FOXP2: variants seen among roughly 807,000 people sequenced by gnomAD.
FOXP2 encodes the protein forkhead box protein P2.
FOXP2 carries 12 observed loss-of-function variants against 115.8 expected under a neutral mutation model. The observed-to-expected ratio is 0.10, with a 90% confidence interval of 0.07 to 0.17. The LOEUF is 0.17. Ranked by LOEUF, FOXP2 falls within the 10% of genes least tolerant of loss-of-function variation. The pLI, the probability that FOXP2 is intolerant of heterozygous loss-of-function variation, is 1.00. For missense variants in FOXP2, 629 were observed against 843.5 expected, an observed-to-expected ratio of 0.75 and a Z score of 3.15; for synonymous variants, 328 against 297.7, an observed-to-expected ratio of 1.10 and a Z score of -1.05.
chr7:114,630,593 A>G (rs1804848412), intron 5 of FOXP2: 1 of 158,548 alleles, frequency 6.3e-6, no homozygotes, highest in African/African-American at 2.4e-5. Context: ...AACATGTTGA[A>G]GTAGTTAAAT....
At chr7:114,118,817 T>C (rs914008958) in intron 1 of FOXP2, among the ~76,000 whole-genome samples, 25 of 152,164 alleles carry the variant, frequency 1.6e-4, no homozygotes, top group Non-Finnish European at 8.8e-5. Flanking sequence ...TTGCACACAA[T>C]GCTAGGGGAA....
intron 3 of FOXP2, among the ~76,000 whole-genome samples, chr7:114,536,067 CAG>C (rs1218893418): frequency 6.6e-6 from 1 of 151,292 alleles, no homozygotes; most frequent in Non-Finnish European, 1.5e-5. Context: ...ATTTACATGA[CAG>C]AGAAAAATTT....
intron 2 of FOXP2, among the ~76,000 whole-genome samples, chr7:114,357,291 G>A (rs926574991): frequency 2.6e-5 from 4 of 152,292 alleles, no homozygotes; most frequent in African/African-American, 9.6e-5. Context: ...ATTACAGACT[G>A]CTGTCACCTA....
intron 1 of FOXP2, among the ~76,000 whole-genome samples, chr7:114,214,024 G>C (rs945510499): frequency 2.0e-5 from 3 of 152,146 alleles, no homozygotes; most frequent in African/African-American, 4.8e-5. Flanking sequence ...ATTTCTGTAG[G>C]ATACACTTAT....
intron 1 of FOXP2, among the ~76,000 whole-genome samples, chr7:114,164,962 C>G (rs949906131): frequency 5.5e-5 from 6 of 109,668 alleles, no homozygotes; most frequent in Admixed American, 4.4e-4. Context: ...CTCTACCCCC[C>G]AAAATTATAC....
chr7:114,611,554 T>C (rs193189864), intron 3 of FOXP2, among the ~76,000 whole-genome samples: 1 of 152,176 alleles, frequency 6.6e-6, no homozygotes, highest in Non-Finnish European at 1.5e-5. Flanking sequence ...GAAAAACAAC[T>C]ATAGAAGAAT....
At chr7:114,312,129 T>C (rs1006736495) in intron 2 of FOXP2, among the ~76,000 whole-genome samples, 3 of 152,174 alleles carry the variant, frequency 2.0e-5, no homozygotes, top group Admixed American at 6.5e-5. Flanking sequence ...ATGTATTCAG[T>C]TCACCCAAAT....
intron 3 of FOXP2, among the ~76,000 whole-genome samples, chr7:114,596,237 G>GT (rs773228111): frequency 2.0e-5 from 3 of 152,004 alleles, no homozygotes; most frequent in Non-Finnish European, 4.4e-5. Context: ...CCTTGGAGTG[G>GT]TTTTTCATTG....
At chr7:114,186,118 A>G (rs1003033408) in intron 1 of FOXP2, among the ~76,000 whole-genome samples, 1 of 152,136 alleles carries the variant, frequency 6.6e-6, no homozygotes, top group Admixed American at 6.5e-5. Context: ...ATGGCAACTG[A>G]ATTTTAGCAT....
intron 3 of FOXP2, among the ~76,000 whole-genome samples, chr7:114,546,974 A>G (rs1442857404): frequency 6.6e-6 from 1 of 152,232 alleles, no homozygotes; most frequent in Non-Finnish European, 1.5e-5. Context: ...ATAAGACTAC[A>G]GTATCACTTC....
chr7:114,379,544 C>A (rs1047219931), intron 2 of FOXP2, among the ~76,000 whole-genome samples: 1 of 152,018 alleles, frequency 6.6e-6, no homozygotes, highest in Admixed American at 6.6e-5. Context: ...GGGGTGCCTT[C>A]GACATCATTA....
chr7:114,586,040 T>G (rs1220850561), intron 3 of FOXP2, among the ~76,000 whole-genome samples: 5 of 152,218 alleles, frequency 3.3e-5, no homozygotes, highest in South Asian at 4.1e-4. Flanking sequence ...TAGACAAAAC[T>G]GTCTGCACAA....
At chr7:114,157,388 G>T (rs1409504664) in intron 1 of FOXP2, among the ~76,000 whole-genome samples, 1 of 152,016 alleles carries the variant, frequency 6.6e-6, no homozygotes, top group East Asian at 1.9e-4. Context: ...TTAAATTGAG[G>T]CTTGAAAGGT....
At chr7:114,128,795 G>T (rs1791795749) in intron 1 of FOXP2, among the ~76,000 whole-genome samples, 1 of 151,980 alleles carries the variant, frequency 6.6e-6, no homozygotes, top group Non-Finnish European at 1.5e-5. Flanking sequence ...AATGCTAATT[G>T]ATTATGAAAA....
At chr7:114,493,347 T>C (rs1367401582) in intron 2 of FOXP2, among the ~76,000 whole-genome samples, 1 of 152,104 alleles carries the variant, frequency 6.6e-6, no homozygotes, top group Admixed American at 6.6e-5. Flanking sequence ...CACTGATGGG[T>C]CTTGACTCTT....
intron 1 of FOXP2, among the ~76,000 whole-genome samples, chr7:114,133,136 A>G (rs1404082662): frequency 1.3e-5 from 2 of 152,200 alleles, no homozygotes; most frequent in Non-Finnish European, 2.9e-5. Flanking sequence ...TTGAAGCTTC[A>G]GCCAATATGA....
At chr7:114,317,302 T>A (rs1797299854) in intron 2 of FOXP2, among the ~76,000 whole-genome samples, 2 of 152,192 alleles carry the variant, frequency 1.3e-5, no homozygotes, top group African/African-American at 4.8e-5. Context: ...TGTTTGAATA[T>A]AAGCAATAGA....
chr7:114,505,592 GT>G (rs1474572570), intron 2 of FOXP2, among the ~76,000 whole-genome samples: 1 of 150,630 alleles, frequency 6.6e-6, no homozygotes, highest in African/African-American at 2.4e-5. Context: ...CAACACAAAA[GT>G]TTTTGTGCTG....
At chr7:114,558,763 G>A (rs888081934) in intron 3 of FOXP2, among the ~76,000 whole-genome samples, 4 of 151,978 alleles carry the variant, frequency 2.6e-5, no homozygotes, top group East Asian at 1.9e-4. Context: ...CTTTTCACCA[G>A]TGCATACGTC....
Sources: allele counts gnomAD v4.1 joint callset (sites outside exome capture counted in the v4.1 genomes callset), GRCh38; gene constraint gnomAD v4.1.1; transcripts MANE v1.5; gene names NCBI Gene and HGNC (gene_info 2026-07-23, HGNC 2026-07-21).